CAPZB: variants seen among roughly 807,000 people sequenced by gnomAD.
CAPZB encodes F-actin-capping protein subunit beta.
In CAPZB, 2 loss-of-function variants were observed where a neutral mutation model predicts 38.1. That is an observed-to-expected ratio of 0.05 (90% CI 0.02 to 0.17). The LOEUF is 0.17. CAPZB is among the 10% of genes least tolerant of loss of function. The pLI, the probability that CAPZB is intolerant of heterozygous loss-of-function variation, is 1.00. For synonymous variants in CAPZB, 107 were observed against 127.4 expected, an observed-to-expected ratio of 0.84 and a Z score of 1.08; for missense variants, 161 against 334.2, an observed-to-expected ratio of 0.48 and a Z score of 4.04.
At chr1:19,359,803 G>A (rs189916014) in intron 4 of CAPZB, among the ~76,000 whole-genome samples, 10 of 152,304 alleles carry the variant, frequency 6.6e-5, no homozygotes, top group African/African-American at 2.4e-4. Flanking sequence ...CACCTGTGAG[G>A]CCCAGAGCTC....
intron 1 of CAPZB, among the ~76,000 whole-genome samples, chr1:19,466,907 TG>T (rs948669902): frequency 5.1e-4 from 78 of 151,952 alleles, no homozygotes; most frequent in African/African-American, 1.7e-3. Flanking sequence ...CAAAGTTTTT[TG>T]TTTTTGTTTT....
intron 2 of CAPZB, among the ~76,000 whole-genome samples, chr1:19,390,594 A>T (rs1034431356): frequency 6.6e-6 from 1 of 151,912 alleles, no homozygotes; most frequent in Non-Finnish European, 1.5e-5. Context: ...CTGCCACAGG[A>T]GTGTGCCCAC....
chr1:19,376,132 A>T (rs1009643140), intron 4 of CAPZB, among the ~76,000 whole-genome samples: 1 of 152,230 alleles, frequency 6.6e-6, no homozygotes, highest in African/African-American at 2.4e-5. Flanking sequence ...TAAGTCTCAT[A>T]AAGAATCAGA....
At chr1:19,374,243 T>C (rs1389176727) in intron 4 of CAPZB, 1 of 152,280 alleles carries the variant, frequency 6.6e-6, no homozygotes, top group Admixed American at 6.5e-5. Context: ...CAGTGTGACC[T>C]TCTCAGCATA....
At chr1:19,444,030 C>T (rs186671055) in intron 1 of CAPZB, among the ~76,000 whole-genome samples, 83 of 152,230 alleles carry the variant, frequency 5.5e-4, no homozygotes, top group African/African-American at 1.9e-3. Context: ...TGGCGGAGCA[C>T]GCCTGTAATC....
At chr1:19,349,009 G>A (rs1156413310) in intron 6 of CAPZB, among the ~76,000 whole-genome samples, 1 of 152,146 alleles carries the variant, frequency 6.6e-6, no homozygotes, top group African/African-American at 2.4e-5. Context: ...AACAGGAGTA[G>A]TGAGAGTGCC....
intron 4 of CAPZB, among the ~76,000 whole-genome samples, chr1:19,375,161 AT>A (rs1278218295): frequency 9.2e-5 from 14 of 152,210 alleles, no homozygotes; most frequent in Non-Finnish European, 1.5e-4. Flanking sequence ...ATGTACCACA[AT>A]GTACCAAGAT....
intron 2 of CAPZB, among the ~76,000 whole-genome samples, chr1:19,414,293 T>C (rs1412080618): frequency 6.6e-6 from 1 of 152,228 alleles, no homozygotes; most frequent in Non-Finnish European, 1.5e-5. Flanking sequence ...TGTGAATACC[T>C]GTGCCCAGCT....
chr1:19,470,415 T>A (rs1235031610), intron 1 of CAPZB, among the ~76,000 whole-genome samples: 6 of 152,194 alleles, frequency 3.9e-5, no homozygotes, highest in Non-Finnish European at 7.3e-5. Flanking sequence ...CTCAGGCCAT[T>A]GGCATTCTGA....
intron 1 of CAPZB, among the ~76,000 whole-genome samples, chr1:19,468,555 G>A (rs1188902181): frequency 2.6e-5 from 4 of 152,112 alleles, no homozygotes; most frequent in South Asian, 2.1e-4. Flanking sequence ...TCAGCTGTGC[G>A]GCAGGGTGGG....
At chr1:19,483,886 T>C (rs1305743848) in intron 1 of CAPZB, among the ~76,000 whole-genome samples, 1 of 152,178 alleles carries the variant, frequency 6.6e-6, no homozygotes, top group Non-Finnish European at 1.5e-5. Context: ...CTACTCACCC[T>C]CGTTCAGCAG....
At chr1:19,479,305 A>G (rs2094619204) in intron 1 of CAPZB, among the ~76,000 whole-genome samples, 1 of 152,170 alleles carries the variant, frequency 6.6e-6, no homozygotes, top group African/African-American at 2.4e-5. Flanking sequence ...CTGGTGTCTT[A>G]GGCACCAGAA....
intron 1 of CAPZB, among the ~76,000 whole-genome samples, chr1:19,433,473 G>A (rs1345484804): frequency 1.3e-5 from 2 of 152,160 alleles, no homozygotes; most frequent in Non-Finnish European, 1.5e-5. Context: ...TTATAAGATG[G>A]CCTAGATGAA....
chr1:19,419,904 C>CG, intron 1 of CAPZB, 154 bp from the exon 2 acceptor site: 2 of 588,110 alleles, frequency 3.4e-6, no homozygotes, highest in Non-Finnish European at 6.0e-6. Context: ...CAGCCTGGAG[C>CG]GGGGGGCGAC....
intron 1 of CAPZB, among the ~76,000 whole-genome samples, chr1:19,445,046 T>G (rs1570289294): frequency 1.3e-5 from 2 of 152,260 alleles, no homozygotes; most frequent in South Asian, 4.1e-4. Flanking sequence ...CCTGGCCTTT[T>G]TAAAATTTTT....
chr1:19,475,783 C>G (rs1465327648), intron 1 of CAPZB, among the ~76,000 whole-genome samples: 1 of 152,180 alleles, frequency 6.6e-6, no homozygotes, highest in Non-Finnish European at 1.5e-5. Flanking sequence ...AAAATGGCAA[C>G]TTCATATGGT....
At chr1:19,417,567 T>G (rs1346479486) in intron 2 of CAPZB, among the ~76,000 whole-genome samples, 2 of 152,158 alleles carry the variant, frequency 1.3e-5, no homozygotes, top group African/African-American at 4.8e-5. Context: ...GATGAGAGTT[T>G]AAATATGGCT....
At chr1:19,461,978 C>T (rs2094553267) in intron 1 of CAPZB, among the ~76,000 whole-genome samples, 1 of 152,112 alleles carries the variant, frequency 6.6e-6, no homozygotes. Context: ...ACTACTGATT[C>T]TATTAATGAT....
At chr1:19,396,852 C>G (rs569325128) in intron 2 of CAPZB, among the ~76,000 whole-genome samples, 1 of 150,664 alleles carries the variant, frequency 6.6e-6, no homozygotes, top group South Asian at 2.1e-4. Context: ...ACTCAGGAGA[C>G]TAAGGGAGGA....
Sources: gnomAD v4.1 joint callset for allele counts (sites outside exome capture counted in the v4.1 genomes callset) on GRCh38, gnomAD v4.1.1 for gene constraint, MANE v1.5 for transcripts, NCBI Gene and HGNC (gene_info 2026-07-23, HGNC 2026-07-21) for gene names.